CDH18: variants seen among roughly 807,000 people sequenced by gnomAD.
CDH18 encodes cadherin 18.
CDH18 carries 31 observed loss-of-function variants against 67.9 expected under a neutral mutation model. The ratio of observed to expected loss-of-function variants is 0.46; its 90% CI spans 0.34 to 0.62. CDH18 has a LOEUF of 0.62. Ranked by LOEUF, CDH18 falls within the 20% of genes least tolerant of loss-of-function variation. CDH18 has a pLI of 0.01. For synonymous variants in CDH18, 362 were observed against 347.2 expected, an observed-to-expected ratio of 1.04 and a Z score of -0.48; for missense variants, 890 against 975.5, an observed-to-expected ratio of 0.91 and a Z score of 1.17.
At chr5:20,180,651 A>C (rs977520197) in intron 2 of CDH18, among the ~76,000 whole-genome samples, 1 of 152,076 alleles carries the variant, frequency 6.6e-6, no homozygotes, top group African/African-American at 2.4e-5. Flanking sequence ...TAAATCCCTC[A>C]CTAACCTACC....
chr5:19,694,276 G>A (rs951587773), intron 5 of CDH18, among the ~76,000 whole-genome samples: 36 of 152,018 alleles, frequency 2.4e-4, no homozygotes, highest in African/African-American at 8.5e-4. Context: ...TCTGTTTTGA[G>A]CATTGGTTAC....
intron 2 of CDH18, among the ~76,000 whole-genome samples, chr5:20,032,375 G>A (rs2150454564): frequency 6.6e-6 from 1 of 151,934 alleles, no homozygotes; most frequent in African/African-American, 2.4e-5. Flanking sequence ...ATATTTTACA[G>A]AGATAGTAGA....
intron 1 of CDH18, among the ~76,000 whole-genome samples, chr5:20,328,353 A>G (rs748919653): frequency 6.6e-6 from 1 of 152,134 alleles, no homozygotes; most frequent in Non-Finnish European, 1.5e-5. Context: ...TGTTTTGCAG[A>G]CAGAAATAAC....
chr5:20,549,923 A>T (rs1369504655), intron 1 of CDH18, among the ~76,000 whole-genome samples: 1 of 152,194 alleles, frequency 6.6e-6, no homozygotes, highest in Non-Finnish European at 1.5e-5. Flanking sequence ...TATGCAAGAG[A>T]TGAAGTAAAA....
chr5:20,338,881 C>G (rs1740009757), intron 1 of CDH18, among the ~76,000 whole-genome samples: 1 of 152,156 alleles, frequency 6.6e-6, no homozygotes, highest in African/African-American at 2.4e-5. Context: ...AAGGCAAAGA[C>G]ACCAACAGTG....
intron 1 of CDH18, among the ~76,000 whole-genome samples, chr5:20,571,975 G>A (rs181520675): frequency 1.5e-4 from 23 of 152,132 alleles, no homozygotes; most frequent in Admixed American, 7.9e-4. Flanking sequence ...TGTAGAGATG[G>A]GAGGAATGTT....
chr5:19,695,616 C>G (rs1339249981), intron 5 of CDH18, among the ~76,000 whole-genome samples: 4 of 152,288 alleles, frequency 2.6e-5, no homozygotes, highest in South Asian at 2.1e-4. Flanking sequence ...CAACCCTTGT[C>G]CTTTACAAAG....
In CDH18 at chr5:20,319,192, A is replaced by G. The variant is rs545309332; in HGVS notation, c.-579-63687T>C. On this transcript the variant is annotated intron_variant, in intron 1 of 14. Coordinates refer to the CDH18 transcript ENST00000507958. ...GTCATTTCTTTGCTAGAGATCCCCA[A>G]TTATTTCCCTTTGGTCAGATGGAGT... 4.6e-5 allele frequency among the ~76,000 whole-genome samples: 7 copies of G among 152,278 alleles called. No homozygotes were observed. The South Asian group carries it at 1.0e-3, about 23-fold the overall frequency.
chr5:20,274,453 T>A (rs1745656536), intron 1 of CDH18, among the ~76,000 whole-genome samples: 1 of 152,166 alleles, frequency 6.6e-6, no homozygotes, highest in African/African-American at 2.4e-5. Flanking sequence ...GAGAGAAATC[T>A]GACCAGTGTT....
At chr5:20,019,844 G>GTC (rs1414819920) in intron 2 of CDH18, among the ~76,000 whole-genome samples, 2 of 152,212 alleles carry the variant, frequency 1.3e-5, no homozygotes, top group Non-Finnish European at 2.9e-5. Context: ...GCAGAAGTTG[G>GTC]AAGAGATTGG....
chr5:20,189,661 A>G (rs1479436516), intron 2 of CDH18, among the ~76,000 whole-genome samples: 1 of 152,136 alleles, frequency 6.6e-6, no homozygotes, highest in Non-Finnish European at 1.5e-5. Context: ...AGGCAGAACC[A>G]AGGAAGATTA....
At chr5:20,450,342 T>C (rs1416052330) in intron 1 of CDH18, among the ~76,000 whole-genome samples, 1 of 152,144 alleles carries the variant, frequency 6.6e-6, no homozygotes, top group Non-Finnish European at 1.5e-5. Flanking sequence ...AGAGAAACTC[T>C]GTCTCAATAA....
chr5:20,324,734 A>T (rs1307927482), intron 1 of CDH18, among the ~76,000 whole-genome samples: 1 of 152,212 alleles, frequency 6.6e-6, no homozygotes, highest in Non-Finnish European at 1.5e-5. Context: ...CAGTCCAAAG[A>T]CATACAAATT....
intron 1 of CDH18, among the ~76,000 whole-genome samples, chr5:20,339,253 A>G (rs1168359686): frequency 6.6e-6 from 1 of 152,156 alleles, no homozygotes; most frequent in African/African-American, 2.4e-5. Context: ...ATTCTTTTGC[A>G]CAAAGGCATG....
intron 2 of CDH18, among the ~76,000 whole-genome samples, chr5:19,859,206 G>A (rs1017145962): frequency 6.6e-6 from 1 of 152,072 alleles, no homozygotes; most frequent in South Asian, 2.1e-4. Flanking sequence ...GGGAAGTAGG[G>A]GTGGGACGTG....
rs58653876 is a variant in CDH18, at chr5:20,099,759, T to C, written c.-517-107745A>G. Among the ~76,000 whole-genome samples the C allele has an allele frequency of 2.6e-3, 400 of 152,236 alleles. 1 individual carries two copies. The highest frequency in any genetic ancestry group is 9.1e-3 in the African/African-American group (376 of 41,544). On this transcript the variant is annotated intron_variant, in intron 2 of 14. Coordinates refer to the CDH18 transcript ENST00000507958. ...AGACAGGAGAAAAGTGTTTTCTTAG[T>C]TTTCTAATAAAATAGTTTTTATCCT... is the stretch of plus-strand genomic sequence containing the variant.
intron 2 of CDH18, among the ~76,000 whole-genome samples, chr5:20,196,753 T>G (rs994059414): frequency 9.2e-5 from 14 of 152,310 alleles, no homozygotes; most frequent in Admixed American, 3.3e-4. Flanking sequence ...ATAGCTACAT[T>G]CCTATGTTCT....
chr5:19,691,534 T>A (rs1761890122), intron 5 of CDH18, among the ~76,000 whole-genome samples: 1 of 151,890 alleles, frequency 6.6e-6, no homozygotes, highest in Admixed American at 6.6e-5. Context: ...ATTAAAAAAA[T>A]TAATTTGCAT....
chr5:20,124,210 G>T (rs558879295), intron 2 of CDH18, among the ~76,000 whole-genome samples: 1 of 152,232 alleles, frequency 6.6e-6, no homozygotes, highest in South Asian at 2.1e-4. Context: ...TTGTTTTGGG[G>T]GAGGGAACAT....
Sources: gnomAD v4.1 joint callset for allele counts (sites outside exome capture counted in the v4.1 genomes callset) on GRCh38, gnomAD v4.1.1 for gene constraint, MANE v1.5 for transcripts, NCBI Gene and HGNC (gene_info 2026-07-23, HGNC 2026-07-21) for gene names.